RARS2: variants seen among roughly 807,000 people sequenced by gnomAD.
RARS2 encodes the protein arginyl-tRNA synthetase 2, mitochondrial, also known as probable arginine--tRNA ligase, mitochondrial.
A neutral mutation model predicts 88.5 loss-of-function variants in RARS2; 67 were observed. The observed-to-expected ratio is 0.76, with a 90% CI of 0.62 to 0.93. The LOEUF is 0.93. Among genes scored for constraint, RARS2 ranks in the 40% least tolerant of loss-of-function variants. The pLI is 0.00. For missense variants in RARS2, 664 were observed against 684.2 expected, an observed-to-expected ratio of 0.97 and a Z score of 0.33; for synonymous variants, 239 against 230.3, an observed-to-expected ratio of 1.04 and a Z score of -0.34.
At chr6:87,536,805 G>A (rs1390548561) in intron 8 of RARS2, among the ~76,000 whole-genome samples, 2 of 151,966 alleles carry the variant, frequency 1.3e-5, no homozygotes, top group Non-Finnish European at 2.9e-5. Flanking sequence ...CAAGGGAAGA[G>A]GAACTATAAC....
At chr6:87,527,875 A>G (rs1776260363) in intron 10 of RARS2, among the ~76,000 whole-genome samples, 1 of 152,144 alleles carries the variant, frequency 6.6e-6, no homozygotes, top group Non-Finnish European at 1.5e-5. Flanking sequence ...GAACACAGAG[A>G]CACAAGGAAG....
intron 8 of RARS2, among the ~76,000 whole-genome samples, chr6:87,532,788 A>T (rs569465829): frequency 2.9e-4 from 44 of 152,308 alleles, no homozygotes; most frequent in African/African-American, 1.0e-3. Flanking sequence ...ACATCATAAA[A>T]AGGTGATGTT....
intron 7 of RARS2, among the ~76,000 whole-genome samples, chr6:87,545,359 C>T (rs1186180752): frequency 6.6e-6 from 1 of 152,008 alleles, no homozygotes; most frequent in Non-Finnish European, 1.5e-5. Context: ...GTTGGCATTA[C>T]AGGAGTGAAA....
At chr6:87,550,560 C>A (rs962567954) in intron 5 of RARS2, among the ~76,000 whole-genome samples, 13 of 149,808 alleles carry the variant, frequency 8.7e-5, no homozygotes, top group African/African-American at 2.9e-4. Flanking sequence ...AATAAAAAAC[C>A]CCAGAAAAAC....
At chr6:87,535,147 C>G (rs1411437387) in intron 8 of RARS2, among the ~76,000 whole-genome samples, 4 of 151,938 alleles carry the variant, frequency 2.6e-5, no homozygotes, top group Non-Finnish European at 5.9e-5. Context: ...TATTAAGGAA[C>G]AAAATTCATA....
At position 87,519,574 on chromosome 6, in the gene RARS2, T is replaced by G. The variant is rs1425235387; in HGVS notation, c.1237+9A>C. The G allele has an allele frequency of 4.3e-6, 7 of 1,610,324 alleles. No individual in the cohort carries two copies. In the East Asian group the frequency reaches 1.3e-4, roughly 31 times the overall value. Reference sequence around the variant, plus strand: ...AGTTATGACTTTAATAAGAAAAAACTGAATTCACTCTTAATTGAAGCCATG... The same window carrying G: ...AGTTATGACTTTAATAAGAAAAAACGGAATTCACTCTTAATTGAAGCCATG... On this transcript the variant is annotated intron_variant, in intron 14 of 19. Coordinates refer to ENST00000369536, the MANE Select transcript of RARS2 (RefSeq NM_020320.5).
chr6:87,557,239 A>T (rs1340658507), intron 4 of RARS2, among the ~76,000 whole-genome samples: 1 of 152,354 alleles, frequency 6.6e-6, no homozygotes, highest in African/African-American at 2.4e-5. Flanking sequence ...GACGTAGAGA[A>T]AATAATACTC....
chr6:87,571,663 A>G (rs1309782932), intron 1 of RARS2, among the ~76,000 whole-genome samples: 1 of 152,220 alleles, frequency 6.6e-6, no homozygotes, highest in South Asian at 2.1e-4. Context: ...ATCATCTTCA[A>G]GGGTGTTTGT....
chr6:87,516,934 A>C lies in RARS2; in HGVS notation c.1512-54T>G, dbSNP rs1771950739. ...AAAAGACTGTACACATTACACTAAG[A>C]CATTAGACATTAAAAGATTGTGAAT... On this transcript the variant is annotated intron_variant, in intron 17 of 19. Coordinates refer to ENST00000369536, the MANE Select transcript of RARS2 (RefSeq NM_020320.5). The C allele has an allele frequency of 3.1e-6, 5 of 1,605,620 alleles. No homozygotes were observed. The Admixed American group carries it at 8.4e-5, about 27-fold the overall frequency.
Position 87,564,350 on chromosome 6 carries a change from T to C in RARS2, c.111-118A>G, listed in dbSNP as rs79466781. 2.7e-3 allele frequency: 2,107 copies of C among 790,432 alleles called. 25 individuals are homozygous for C. The African/African-American group carries it at 0.031, about 12-fold the overall frequency. The allele number at this position is 790,432 out of a possible 1,614,324, so 49.0% of individuals were successfully genotyped here. A position where few individuals can be genotyped will look rare whatever the true frequency, so the allele number is the denominator to read the frequency against. On this transcript the variant is annotated intron_variant, in intron 2 of 19. Transcript: ENST00000369536. ...ATACCTTTACCAGAAGAAGGTGTTATGTGTACTTTCAAAATTAAAAGCAAG... is the reference window on the plus strand; with the variant it reads ...ATACCTTTACCAGAAGAAGGTGTTACGTGTACTTTCAAAATTAAAAGCAAG...
intron 8 of RARS2, among the ~76,000 whole-genome samples, chr6:87,537,289 T>C (rs1195216026): frequency 6.6e-6 from 1 of 152,220 alleles, no homozygotes; most frequent in African/African-American, 2.4e-5. Flanking sequence ...AAATTCTATG[T>C]ACATAATTAA....
chr6:87,521,838 G>C (rs1245704864), intron 11 of RARS2, among the ~76,000 whole-genome samples: 1 of 152,190 alleles, frequency 6.6e-6, no homozygotes, highest in East Asian at 1.9e-4. Flanking sequence ...GAAGTGTCTT[G>C]TAGATAAATG....
intron 7 of RARS2, 104 bp downstream of exon 7, chr6:87,545,512 T>A: frequency 1.4e-6 from 2 of 1,404,962 alleles, no homozygotes; most frequent in Non-Finnish European, 2.0e-6. Flanking sequence ...AGGTAGGACA[T>A]ACTACTTCAT....
chr6:87,587,672 G>A (rs1394734560), intron 1 of RARS2, among the ~76,000 whole-genome samples: 1 of 152,126 alleles, frequency 6.6e-6, no homozygotes, highest in Non-Finnish European at 1.5e-5. Context: ...ATATAATAAG[G>A]TTAATACTTC....
In RARS2 at chr6:87,569,501, G is replaced by A; in HGVS notation, c.110+16C>T. On this transcript the variant is annotated intron_variant, in intron 2 of 19. Coordinates refer to ENST00000369536, the MANE Select transcript of RARS2 (RefSeq NM_020320.5). ...AGCAACATTTTATAGATTGTTACAA[G>A]TGTATTATACTTAACTCTTTTTGGG... 1 of 1,552,598 alleles carries A rather than the reference G, an allele frequency of 6.4e-7. No individual in the cohort carries two copies. Among genetic ancestry groups the A allele is most frequent in the Non-Finnish European group, 8.9e-7 (1 of 1,124,428 alleles).
intron 5 of RARS2, among the ~76,000 whole-genome samples, chr6:87,551,582 C>T (rs797001006): frequency 5.0e-5 from 7 of 139,426 alleles, no homozygotes; most frequent in African/African-American, 1.9e-4. Flanking sequence ...ATGAATCATG[C>T]CACTGCACTC....
chr6:87,525,097 T>A (rs897325645), intron 10 of RARS2, among the ~76,000 whole-genome samples: 1 of 152,218 alleles, frequency 6.6e-6, no homozygotes, highest in African/African-American at 2.4e-5. Context: ...TTGGAATCTG[T>A]ATATGACAAT....
intron 10 of RARS2, among the ~76,000 whole-genome samples, chr6:87,528,005 A>C (rs1376514780): frequency 6.6e-6 from 1 of 151,430 alleles, no homozygotes; most frequent in Non-Finnish European, 1.5e-5. Flanking sequence ...GCAAATCACC[A>C]TGGCACACAT....
intron 1 of RARS2, among the ~76,000 whole-genome samples, chr6:87,579,473 A>G (rs1007212354): frequency 4.6e-5 from 7 of 152,084 alleles, no homozygotes; most frequent in Non-Finnish European, 8.8e-5. Context: ...CCGATGCCCA[A>G]CCTCAGGCTA....
Sources: gnomAD v4.1 joint callset for allele counts (sites outside exome capture counted in the v4.1 genomes callset) on GRCh38, gnomAD v4.1.1 for gene constraint, MANE v1.5 for transcripts, NCBI Gene and HGNC (gene_info 2026-07-23, HGNC 2026-07-21) for gene names.